PDE11A: variants seen among roughly 807,000 people sequenced by gnomAD.
PDE11A encodes the protein dual 3',5'-cyclic-AMP and -GMP phosphodiesterase 11A.
In PDE11A, 100 loss-of-function variants were observed where a neutral mutation model predicts 100.5. That is an observed-to-expected ratio of 1.00 (90% CI 0.85 to 1.18). PDE11A has a LOEUF of 1.18. Ranked by LOEUF, PDE11A falls within the 50% of genes most tolerant of loss-of-function variation. PDE11A has a pLI of 0.00. For synonymous variants in PDE11A, 381 were observed against 420.8 expected (o/e 0.91, Z 1.16); for missense variants, 1,141 against 1,152.6 (o/e 0.99, Z 0.15).
chr2:177,998,936 G>A (rs1388884038), intron 2 of PDE11A, among the ~76,000 whole-genome samples: 2 of 152,058 alleles, frequency 1.3e-5, no homozygotes, highest in Admixed American at 6.6e-5. Flanking sequence ...CACATCATCC[G>A]GATCAAATCT....
At chr2:178,094,283 C>T (rs2087460398) in intron 2 of PDE11A, among the ~76,000 whole-genome samples, 1 of 152,064 alleles carries the variant, frequency 6.6e-6, no homozygotes, top group African/African-American at 2.4e-5. Flanking sequence ...AATCCCAGCA[C>T]TTAGGGAGCC....
intron 1 of PDE11A, among the ~76,000 whole-genome samples, chr2:178,020,911 G>GT (rs1192595294): frequency 1.4e-5 from 2 of 144,820 alleles, no homozygotes; most frequent in Admixed American, 6.9e-5. Flanking sequence ...TTGTTTTTTT[G>GT]TTTTTTTGTC....
intron 15 of PDE11A, chr2:177,686,603 T>C (rs1035107634): frequency 2.0e-5 from 3 of 151,414 alleles, no homozygotes; most frequent in African/African-American, 7.3e-5. Context: ...GTGTAGTCAC[T>C]GGTGGAACCA....
intron 9 of PDE11A, among the ~76,000 whole-genome samples, chr2:177,794,668 C>A (rs1042395006): frequency 2.0e-5 from 3 of 152,182 alleles, no homozygotes; most frequent in Non-Finnish European, 4.4e-5. Flanking sequence ...GAATCTAATT[C>A]CTTGGCAATC....
chr2:177,725,777 A>G (rs1290763870), intron 12 of PDE11A, among the ~76,000 whole-genome samples: 2 of 152,140 alleles, frequency 1.3e-5, no homozygotes, highest in Non-Finnish European at 2.9e-5. Context: ...TTTTGCTCCT[A>G]AGTGTCCACT....
At chr2:177,834,234 A>G (rs2083354848) in intron 6 of PDE11A, among the ~76,000 whole-genome samples, 1 of 152,196 alleles carries the variant, frequency 6.6e-6, no homozygotes, top group Admixed American at 6.5e-5. Flanking sequence ...GGTGGCCTCT[A>G]CGGGGACTTG....
chr2:177,950,947 T>C (rs1014232673), intron 2 of PDE11A, among the ~76,000 whole-genome samples: 1 of 151,702 alleles, frequency 6.6e-6, no homozygotes, highest in Admixed American at 6.6e-5. Context: ...AAAAAGAAAA[T>C]TGTTAAGTCT....
intron 2 of PDE11A, among the ~76,000 whole-genome samples, chr2:177,920,006 C>T (rs1257142150): frequency 2.0e-5 from 3 of 151,940 alleles, no homozygotes; most frequent in Non-Finnish European, 4.4e-5. Flanking sequence ...ATCAATAAAT[C>T]GTGTTGGGAC....
chr2:177,715,262 A>G (rs2081419633), intron 12 of PDE11A, among the ~76,000 whole-genome samples: 1 of 152,188 alleles, frequency 6.6e-6, no homozygotes, highest in Non-Finnish European at 1.5e-5. Context: ...TGCTTTCGAG[A>G]AGAACATACC....
intron 1 of PDE11A, among the ~76,000 whole-genome samples, chr2:178,015,952 A>C (rs997576690): frequency 1.3e-5 from 2 of 152,096 alleles, no homozygotes; most frequent in African/African-American, 4.8e-5. Context: ...AAGGAGGCTT[A>C]AAAGACAAAA....
At chr2:177,754,070 A>G (rs1360214109) in intron 10 of PDE11A, among the ~76,000 whole-genome samples, 1 of 151,754 alleles carries the variant, frequency 6.6e-6, no homozygotes, top group Non-Finnish European at 1.5e-5. Flanking sequence ...GTGACTGCGA[A>G]TATTTTGAAA....
intron 9 of PDE11A, among the ~76,000 whole-genome samples, chr2:177,781,398 A>G (rs1261649231): frequency 6.6e-6 from 1 of 152,146 alleles, no homozygotes; most frequent in Non-Finnish European, 1.5e-5. Context: ...ATGTGACACA[A>G]AAACACAAAG....
intron 19 of PDE11A, among the ~76,000 whole-genome samples, chr2:177,631,535 A>T (rs374277802): frequency 3.1e-5 from 1 of 31,904 alleles, no homozygotes; most frequent in African/African-American, 1.2e-4. Flanking sequence ...ATATATATAT[A>T]TATATATATA....
chr2:177,948,163 A>C (rs1313075094), intron 2 of PDE11A, among the ~76,000 whole-genome samples: 1 of 152,084 alleles, frequency 6.6e-6, no homozygotes, highest in Non-Finnish European at 1.5e-5. Flanking sequence ...ACATGATTTA[A>C]CATCTGAATT....
intron 4 of PDE11A, among the ~76,000 whole-genome samples, chr2:177,889,003 C>G (rs1177619193): frequency 6.6e-6 from 1 of 152,144 alleles, no homozygotes; most frequent in East Asian, 1.9e-4. Flanking sequence ...ACTCAATACC[C>G]ATCTTACTTA....
chr2:177,789,124 A>C (rs2082588638), intron 9 of PDE11A, among the ~76,000 whole-genome samples: 1 of 152,228 alleles, frequency 6.6e-6, no homozygotes, highest in Non-Finnish European at 1.5e-5. Flanking sequence ...ATGAACATTG[A>C]TGCAAAAATC....
intron 9 of PDE11A, 104 bp from the exon 10 acceptor site, chr2:177,769,477 T>C (rs2082282453): frequency 4.3e-6 from 3 of 700,152 alleles, no homozygotes; most frequent in Non-Finnish European, 7.6e-6. Flanking sequence ...ATCACCTTGA[T>C]TTAAAGGTGG....
At chr2:177,694,023 C>T (rs1242572111) in intron 15 of PDE11A, among the ~76,000 whole-genome samples, 1 of 152,196 alleles carries the variant, frequency 6.6e-6, no homozygotes, top group Non-Finnish European at 1.5e-5. Flanking sequence ...TGAATCAATC[C>T]TCTGAAAGTC....
intron 2 of PDE11A, among the ~76,000 whole-genome samples, chr2:177,938,700 A>G (rs1248325226): frequency 2.6e-5 from 4 of 151,900 alleles, no homozygotes; most frequent in African/African-American, 9.7e-5. Context: ...CCTATTAAAA[A>G]GAAAGAAGAG....
Sources: allele counts gnomAD v4.1 joint callset (sites outside exome capture counted in the v4.1 genomes callset), GRCh38; gene constraint gnomAD v4.1.1; transcripts MANE v1.5; gene names NCBI Gene and HGNC (gene_info 2026-07-23, HGNC 2026-07-21).